Variants in STK36 observed in about 807,000 individuals in gnomAD.
STK36 encodes the protein serine/threonine kinase 36, also known as serine/threonine-protein kinase 36.
STK36 carries 116 observed loss-of-function variants against 142.2 expected under a neutral mutation model. The observed-to-expected ratio is 0.82, with a 90% CI of 0.70 to 0.95. The LOEUF (loss-of-function observed/expected upper bound fraction) is 0.95, where lower values mean the gene tolerates loss of function less well. STK36 is among the 40% of genes least tolerant of loss of function. The pLI is 0.00. For synonymous variants in STK36, 619 were observed against 641.7 expected, an observed-to-expected ratio of 0.96 and a Z score of 0.53; for missense variants, 1,422 against 1,617.2, an observed-to-expected ratio of 0.88 and a Z score of 2.07.
At chr2:218,688,978 T>C (rs1940889951) in intron 12 of STK36, 102 bp downstream of exon 12, 2 of 1,210,072 alleles carry the variant, frequency 1.7e-6, no homozygotes, top group Non-Finnish European at 1.1e-6. Context: ...TGCCTTTTAT[T>C]TTCTTTCCTC....
In STK36 at chr2:218,699,231, A is replaced by T; in HGVS notation, c.3687A>T (p.Leu1229Phe). ...CTGAAGGTTTGGGAGAGGAGCTGTT[A>T]CAGTGCGAAGTACCCCAGCGGCTCC... ...LGPEGLGEEL[L>F]QCEVPQRLLE... Residue 1229 changes from leucine (L) to phenylalanine (F), a missense_variant, in exon 26 of 27, where the codon TTA becomes TTT. Coordinates refer to ENST00000295709, the MANE Select transcript of STK36 (RefSeq NM_015690.5). 1 of 1,613,982 alleles carries T rather than the reference A, an allele frequency of 6.2e-7. No individual in the cohort carries two copies. The highest frequency in any genetic ancestry group is 8.5e-7 in the Non-Finnish European group (1 of 1,180,012).
chr2:218,678,845 A>G (rs1940373478), intron 6 of STK36, among the ~76,000 whole-genome samples: 1 of 152,238 alleles, frequency 6.6e-6, no homozygotes, highest in South Asian at 2.1e-4. Context: ...TCTGAAGATC[A>G]TTAAGAAGGT....
rs757029972 is a variant in STK36 at position 218,690,538 on chromosome 2, C to T, written c.1747C>T (p.Arg583Trp). 1.3e-4 allele frequency: 202 copies of T among 1,613,866 alleles called. No individual in the cohort carries two copies. The highest frequency in any genetic ancestry group is 1.7e-4 in the Non-Finnish European group (195 of 1,179,882). ...AQPDDSEQTL[R>W]RDSLMCFTVL... ...ACCAGATGACTCTGAGCAGACTTTG[C>T]GGAGGGACAGCCTTATGGTAATCTG... is the stretch of plus-strand genomic sequence containing the variant. The change falls in exon 14 of 27, where the codon CGG becomes TGG. Residue 583 changes from arginine (R) to tryptophan (W), a missense_variant. Physicochemically the swap from Arg to Trp is moderately radical, Grantham distance 101. Around this residue, in one of 2 missense-constraint regions of STK36, gnomAD observed 962 missense variants for 1,167.5 expected, o/e 0.82. Coordinates refer to ENST00000295709, the MANE Select transcript of STK36 (RefSeq NM_015690.5).
At position 218,693,716 on chromosome 2, in the gene STK36, C is replaced by G; in HGVS notation, c.2149-7C>G. On this transcript the variant is annotated splice_polypyrimidine_tract_variant and splice_region_variant and intron_variant, in intron 17 of 26. Coordinates refer to ENST00000295709, the MANE Select transcript of STK36 (RefSeq NM_015690.5). ...CCTCACTGCCAGACTCCTTCCTTCT[C>G]CCTCAGGTTCTATACTCCTGCTGCC... is the stretch of plus-strand genomic sequence containing the variant. The G allele has an allele frequency of 6.2e-7, 1 of 1,613,308 alleles. No individual in the cohort carries two copies. Among genetic ancestry groups the G allele is most frequent in the Non-Finnish European group, 8.5e-7 (1 of 1,179,764 alleles).
At position 218,692,035 on chromosome 2, in the gene STK36, T is replaced by C. The variant is rs570454538; in HGVS notation, c.1765-108T>C. The C allele has an allele frequency of 2.2e-6, 3 of 1,361,072 alleles. No homozygotes were observed. The African/African-American group carries it at 4.4e-5, about 20-fold the overall frequency. 84.3% of individuals were successfully genotyped at this position (1,361,072 alleles called of 1,614,324 possible). On this transcript the variant is annotated intron_variant, in intron 14 of 26. Coordinates refer to ENST00000295709, the MANE Select transcript of STK36 (RefSeq NM_015690.5). ...GAATGCTTAAAATTAGACATGTGTT[T>C]GCTTTGGTTTTTGTCCTCTTTCCTC... is the stretch of plus-strand genomic sequence containing the variant.
At chr2:218,688,675 CT>C (rs1398162741) in intron 11 of STK36, 21 bp from the exon 12 acceptor site, 1 of 1,605,322 alleles carries the variant, frequency 6.2e-7, no homozygotes, top group East Asian at 2.2e-5. Flanking sequence ...CAATCGTTGC[CT>C]CTTTCCCTCA....
chr2:218,675,360 C>T lies in STK36; in HGVS notation c.321C>T (p.Ala107=), dbSNP rs1940186970. ...LPEDQVQAIA[A]QLVSALYYLH... Reference sequence around the variant, plus strand: ...ATTTCTAGGTTCAGGCCATTGCTGCCCAGTTGGTGTCAGCCCTGTACTATC... The same window carrying T: ...ATTTCTAGGTTCAGGCCATTGCTGCTCAGTTGGTGTCAGCCCTGTACTATC... The change falls in exon 5 of 27, where the codon GCC becomes GCT. Residue 107 remains alanine (A), a synonymous_variant. Coordinates refer to ENST00000295709, the MANE Select transcript of STK36 (RefSeq NM_015690.5). The T allele has an allele frequency of 6.2e-7, 1 of 1,612,392 alleles. No individual in the cohort carries two copies. The highest frequency in any genetic ancestry group is 8.5e-7 in the Non-Finnish European group (1 of 1,179,494).
chr2:218,675,895 C>G (rs1940219590), intron 5 of STK36, 134 bp from the exon 6 acceptor site: 1 of 1,137,414 alleles, frequency 8.8e-7, no homozygotes, highest in Non-Finnish European at 1.3e-6. Context: ...GAGGCTGGGA[C>G]TGCTGCTGGG....
intron 10 of STK36, among the ~76,000 whole-genome samples, chr2:218,681,414 A>G (rs1261492063): frequency 3.3e-5 from 5 of 152,202 alleles, no homozygotes; most frequent in Admixed American, 3.3e-4. Context: ...GGCATGAGCC[A>G]CTGTGCCTGG....
chr2:218,692,412 CTG>C (rs1941039870), intron 15 of STK36, 119 bp downstream of exon 15: 3 of 1,496,544 alleles, frequency 2.0e-6, no homozygotes, highest in Non-Finnish European at 2.7e-6. Context: ...CAATAAATAA[CTG>C]TGAACTGAGA....
At chr2:218,673,077 C>G (rs1940062120) in intron 2 of STK36, 164 bp downstream of exon 2, 1 of 560,738 alleles carries the variant, frequency 1.8e-6, no homozygotes, top group African/African-American at 1.9e-5. Context: ...TATTTGGGTG[C>G]AAATTCCATC....
intron 10 of STK36, among the ~76,000 whole-genome samples, chr2:218,682,436 A>G (rs952222617): frequency 6.6e-5 from 10 of 152,206 alleles, no homozygotes; most frequent in Non-Finnish European, 1.2e-4. Context: ...TACAATTATG[A>G]AAGTCAGAAA....
chr2:218,699,138 C>G lies in STK36; in HGVS notation c.3594C>G (p.Thr1198=). The change falls in exon 26 of 27, where the codon ACC becomes ACG. Residue 1198 remains threonine, a synonymous_variant. Transcript: ENST00000295709. ...PALAAAVPSM[T]QLLGDPQAGI... is the part of the protein sequence containing the mutation. ...TGGCAGCTGCAGTGCCCAGTATGACCCAGCTGCTTGGAGATCCTCAGGCTG... is the reference window on the plus strand; with the variant it reads ...TGGCAGCTGCAGTGCCCAGTATGACGCAGCTGCTTGGAGATCCTCAGGCTG... 1 of 1,614,120 alleles carries G rather than the reference C, an allele frequency of 6.2e-7. No individual in the cohort carries two copies. Among genetic ancestry groups the G allele is most frequent in the Non-Finnish European group, 8.5e-7 (1 of 1,180,020 alleles).
At chr2:218,676,741 C>A (rs1168582576) in intron 6 of STK36, among the ~76,000 whole-genome samples, 1 of 151,182 alleles carries the variant, frequency 6.6e-6, no homozygotes, top group Non-Finnish European at 1.5e-5. Flanking sequence ...CTCTGCCTTG[C>A]AGGTTCACAC....
rs762817531 is a variant in STK36, at chr2:218,697,659, A to G, written c.2909+49A>G. On this transcript the variant is annotated intron_variant, in intron 24 of 26. Transcript: ENST00000295709. Reference sequence around the variant, plus strand: ...CACAGAGTCAGCAACGGGGAGGGAGAAAGAAGAAGGCAGGAAAGAAGTTAC... The same window carrying G: ...CACAGAGTCAGCAACGGGGAGGGAGGAAGAAGAAGGCAGGAAAGAAGTTAC... The G allele has an allele frequency of 3.1e-6, 5 of 1,609,548 alleles. No homozygotes were observed. In the African/African-American group the frequency reaches 5.4e-5, roughly 17 times the overall value.
At chr2:218,677,956 A>G (rs558706034) in intron 6 of STK36, among the ~76,000 whole-genome samples, 6 of 152,148 alleles carry the variant, frequency 3.9e-5, no homozygotes, top group Admixed American at 1.3e-4. Context: ...ACACCTGGCT[A>G]ATTTTTTGTA....
chr2:218,693,248 G>A lies in STK36; in HGVS notation c.2052G>A (p.Trp684Ter). 1 of 1,614,130 alleles carries A rather than the reference G, an allele frequency of 6.2e-7. No individual in the cohort carries two copies. Among genetic ancestry groups the A allele is most frequent in the Non-Finnish European group, 8.5e-7 (1 of 1,180,004 alleles). Reference protein sequence around the residue: ...DCWDAKEQVCWHLANQLTEDS... With the variant: ...DCWDAKEQVC ...CAGGTATGTCTCTATAGGTCTGTTG[G>A]CATTTGGCAAATCAGCTAACTGAAG... The change falls in exon 17 of 27, where the codon TGG (tryptophan) becomes TGA (stop). Residue 684 changes from tryptophan (W) to a stop codon, truncating the protein, a stop_gained. Transcript: ENST00000295709. LOFTEE classifies it high-confidence loss of function.
At chr2:218,696,805 G>T in intron 22 of STK36, 1 of 897,920 alleles carries the variant, frequency 1.1e-6, no homozygotes, top group Non-Finnish European at 1.9e-6. Flanking sequence ...GGGATCCAGT[G>T]GGAGATAAAA....
intron 9 of STK36, 93 bp from the exon 10 acceptor site, chr2:218,680,510 A>C: frequency 9.5e-7 from 1 of 1,055,910 alleles, no homozygotes; most frequent in Non-Finnish European, 1.4e-6. Context: ...CTTCTTTCTC[A>C]TTCTTATCCT....
Sources: gnomAD v4.1 joint callset for allele counts (sites outside exome capture counted in the v4.1 genomes callset) on GRCh38, gnomAD v4.1.1 for gene constraint, gnomAD v4.1.1 regional missense constraint, MANE v1.5 for transcripts, NCBI Gene and HGNC (gene_info 2026-07-23, HGNC 2026-07-21) for gene names.